GLIS3: variants seen among roughly 807,000 people sequenced by gnomAD.
The protein encoded by GLIS3 is zinc finger protein GLIS3.
A neutral mutation model predicts 78.6 loss-of-function variants in GLIS3; 53 were observed. The observed-to-expected ratio is 0.67, with a 90% CI of 0.54 to 0.85. The LOEUF is 0.85. Among genes scored for constraint, GLIS3 ranks in the 40% least tolerant of loss-of-function variants. GLIS3 has a pLI of 0.00. For missense variants in GLIS3, 1,703 were observed against 1,231.1 expected, an observed-to-expected ratio of 1.38 and a Z score of -5.74; for synonymous variants, 684 against 509.9, an observed-to-expected ratio of 1.34 and a Z score of -4.60.
At chr9:4,165,342 G>T (rs1401975453) in intron 2 of GLIS3, among the ~76,000 whole-genome samples, 1 of 152,200 alleles carries the variant, frequency 6.6e-6, no homozygotes, top group Admixed American at 6.5e-5. Flanking sequence ...TCGGGAGGCT[G>T]AGGCAGGAGA....
At position 4,096,163 on chromosome 9, in the gene GLIS3, A is replaced by G. The variant is rs190790780; in HGVS notation, c.1710+21605T>C. 1.4e-3 allele frequency among the ~76,000 whole-genome samples: 215 copies of G among 152,344 alleles called. 1 individual carries two copies. The highest frequency in any genetic ancestry group is 5.0e-3 in the African/African-American group (206 of 41,578). On this transcript the variant is annotated intron_variant, in intron 4 of 10. Coordinates refer to ENST00000381971, the MANE Select transcript of GLIS3 (RefSeq NM_001042413.2). Reference sequence around the variant, plus strand: ...AGGATTAAATAGTTCACATTTAAAAAAACAAAACAAAACTCTGAATCACCA... The same window carrying G: ...AGGATTAAATAGTTCACATTTAAAAGAACAAAACAAAACTCTGAATCACCA...
chr9:4,153,364 G>C (rs962420905), intron 2 of GLIS3, among the ~76,000 whole-genome samples: 7 of 152,192 alleles, frequency 4.6e-5, no homozygotes, highest in African/African-American at 1.4e-4. Flanking sequence ...AGGAGTTCAA[G>C]ACCAGCCTGG....
intron 9 of GLIS3, among the ~76,000 whole-genome samples, chr9:3,834,849 C>G (rs1818257031): frequency 6.6e-6 from 1 of 152,206 alleles, no homozygotes. Context: ...CCAGGGCACT[C>G]CAACCCTCCT....
At chr9:4,445,747 C>G in the GLIS3 span, among the ~76,000 whole-genome samples, 1 of 152,206 alleles carries the variant, frequency 6.6e-6, no homozygotes, top group Non-Finnish European at 1.5e-5. Flanking sequence ...AGGCGCAACT[C>G]AAACTTTCCA....
chr9:4,094,136 A>G lies in GLIS3; in HGVS notation c.1710+23632T>C, dbSNP rs77962460. On this transcript the variant is annotated intron_variant, in intron 4 of 10. Coordinates refer to ENST00000381971, the MANE Select transcript of GLIS3 (RefSeq NM_001042413.2). The stretch of plus-strand genomic sequence containing the variant: ...CAACCAAAAATACCTGATGATAGAC[A>G]GAAAGAGATGGGAGTGGAACATGGA... Among the ~76,000 whole-genome samples the G allele has an allele frequency of 1.2e-4, 18 of 152,370 alleles. No individual in the cohort carries two copies. In the East Asian group the frequency reaches 3.5e-3, roughly 29 times the overall value.
intron 4 of GLIS3, among the ~76,000 whole-genome samples, chr9:4,078,419 C>G (rs1828262879): frequency 6.6e-6 from 1 of 152,146 alleles, no homozygotes; most frequent in African/African-American, 2.4e-5. Flanking sequence ...CTACACAACT[C>G]AAGTGCACTT....
At chr9:4,356,749 G>A in the GLIS3 span, among the ~76,000 whole-genome samples, 1 of 152,152 alleles carries the variant, frequency 6.6e-6, no homozygotes, top group Non-Finnish European at 1.5e-5. Flanking sequence ...AATGAATTTG[G>A]AATTTGCTGA....
At chr9:4,190,591 A>C (rs1207508837) in intron 2 of GLIS3, among the ~76,000 whole-genome samples, 1 of 150,394 alleles carries the variant, frequency 6.6e-6, no homozygotes, top group Non-Finnish European at 1.5e-5. Context: ...GAATGGAACC[A>C]AGTTGGAAAA....
At chr9:4,033,277 T>C (rs1056083005) in intron 4 of GLIS3, among the ~76,000 whole-genome samples, 3 of 152,070 alleles carry the variant, frequency 2.0e-5, no homozygotes, top group Non-Finnish European at 1.5e-5. Context: ...GCATAAAGGG[T>C]ATTTCTCCCT....
At position 4,045,163 on chromosome 9, in the gene GLIS3, G is replaced by A. The variant is rs371318124; in HGVS notation, c.1710+72605C>T. Among the ~76,000 whole-genome samples the A allele has an allele frequency of 1.3e-4, 20 of 152,200 alleles. No individual in the cohort carries two copies. In the East Asian group the frequency reaches 2.9e-3, roughly 22 times the overall value. ...CTGACATTTACTGATTCAATTTTGTGTTTCCAAGTTGCCATTTTGGCCATA... is the reference window on the plus strand; with the variant it reads ...CTGACATTTACTGATTCAATTTTGTATTTCCAAGTTGCCATTTTGGCCATA... On this transcript the variant is annotated intron_variant, in intron 4 of 10. Transcript: ENST00000381971.
chr9:4,363,303 G>C, the GLIS3 span, among the ~76,000 whole-genome samples: 1 of 152,080 alleles, frequency 6.6e-6, no homozygotes, highest in African/African-American at 2.4e-5. Context: ...CATGCCTGTA[G>C]TCCCAGCTAC....
chr9:3,856,433 T>G (rs1350175546), intron 8 of GLIS3, among the ~76,000 whole-genome samples: 1 of 152,220 alleles, frequency 6.6e-6, no homozygotes, highest in Non-Finnish European at 1.5e-5. Flanking sequence ...TACTCACAGT[T>G]TGGGTTTCTC....
intron 4 of GLIS3, among the ~76,000 whole-genome samples, chr9:3,976,478 T>C (rs1818797740): frequency 7.4e-6 from 1 of 134,822 alleles, no homozygotes; most frequent in African/African-American, 3.4e-5. Context: ...TGCAGTCTTC[T>C]GTCCCATTGC....
chr9:4,236,543 A>C (rs1444558349), intron 2 of GLIS3, among the ~76,000 whole-genome samples: 2 of 152,170 alleles, frequency 1.3e-5, no homozygotes, highest in African/African-American at 4.8e-5. Context: ...TAAGCTGTAG[A>C]GGCATACCTC....
intron 2 of GLIS3, among the ~76,000 whole-genome samples, chr9:4,315,811 A>G (rs927079724): frequency 2.0e-5 from 3 of 152,192 alleles, no homozygotes; most frequent in East Asian, 1.9e-4. Flanking sequence ...CCCGTTCCCC[A>G]GCATTAGCCC....
chr9:4,176,171 C>A lies in GLIS3; in HGVS notation c.389-50230G>T, dbSNP rs1057444415. Among the ~76,000 whole-genome samples the A allele has an allele frequency of 2.0e-5, 3 of 152,160 alleles. No homozygotes were observed. In the East Asian group the frequency reaches 5.8e-4, roughly 29 times the overall value. The stretch of plus-strand genomic sequence containing the variant: ...AACCCAGAATCAAGATCTGGTGGCA[C>A]TTTCGGCGGACTTGTCAGGAAGAGA... On this transcript the variant is annotated intron_variant, in intron 2 of 10. Transcript: ENST00000381971.
At chr9:3,897,279 C>G (rs897129828) in intron 7 of GLIS3, among the ~76,000 whole-genome samples, 1 of 152,008 alleles carries the variant, frequency 6.6e-6, no homozygotes, top group African/African-American at 2.4e-5. Context: ...GGTTCCAGGT[C>G]TTAGTAAGAT....
At chr9:4,179,425 T>C (rs1241449657) in intron 2 of GLIS3, among the ~76,000 whole-genome samples, 1 of 152,108 alleles carries the variant, frequency 6.6e-6, no homozygotes, top group Admixed American at 6.5e-5. Context: ...CTTATGTAGG[T>C]AGCTATACTC....
At chr9:3,949,221 C>T (rs562280265) in intron 4 of GLIS3, among the ~76,000 whole-genome samples, 1 of 152,288 alleles carries the variant, frequency 6.6e-6, no homozygotes, top group East Asian at 1.9e-4. Context: ...TTTAAATTCA[C>T]AAAGACTGAC....
Sources: allele counts gnomAD v4.1 joint callset (sites outside exome capture counted in the v4.1 genomes callset), GRCh38; gene constraint gnomAD v4.1.1; transcripts MANE v1.5; gene names NCBI Gene and HGNC (gene_info 2026-07-23, HGNC 2026-07-21).